The following CUX1 variants were observed in gnomAD, a reference collection of about 807,000 sequenced individuals.
CUX1 encodes the protein protein CASP.
In CUX1, 31 loss-of-function variants were observed where a neutral mutation model predicts 158.8. That is an observed-to-expected ratio of 0.20 (90% CI 0.15 to 0.26). CUX1 has a LOEUF of 0.26. Ranked by LOEUF, CUX1 falls within the 10% of genes least tolerant of loss-of-function variation. The pLI is 1.00. For missense variants in CUX1, 1,589 were observed against 2,014.6 expected (o/e 0.79, Z 4.04); for synonymous variants, 879 against 862.1 (o/e 1.02, Z -0.34).
intron 8 of CUX1, among the ~76,000 whole-genome samples, chr7:102,126,733 TC>T: frequency 1.3e-5 from 2 of 152,294 alleles, no homozygotes; most frequent in South Asian, 4.2e-4. Context: ...AGATAATTTT[TC>T]CATGGACCAG....
At chr7:101,882,098 C>T (rs899433035) in intron 1 of CUX1, among the ~76,000 whole-genome samples, 8 of 151,896 alleles carry the variant, frequency 5.3e-5, no homozygotes, top group South Asian at 2.1e-4. Flanking sequence ...GTGGGAGGAT[C>T]GCTTGAGGCT....
rs570182983 is a variant in CUX1, at chr7:102,017,070, G to A, written c.142-11028G>A. On this transcript the variant is annotated intron_variant, in intron 2 of 23. Coordinates refer to ENST00000292535, the MANE Select transcript of CUX1 (RefSeq NM_181552.4). ...TGTAATCCCATCACTTTGGGAGGCC[G>A]AGGTGGGTAGATCACCTGAGGTCAG... is the stretch of plus-strand genomic sequence containing the variant. 1.4e-4 allele frequency among the ~76,000 whole-genome samples: 22 copies of A among 152,250 alleles called. No individual in the cohort carries two copies. In the South Asian group the frequency reaches 4.1e-3, roughly 29 times the overall value.
downstream of CUX1, among the ~76,000 whole-genome samples, chr7:102,262,770 T>C (rs1355913185): frequency 9.2e-5 from 14 of 152,142 alleles, no homozygotes; most frequent in Admixed American, 3.9e-4. Flanking sequence ...GGTGCAACTT[T>C]CCAACTGAGG....
chr7:102,225,622 G>A (rs1798270361), intron 20 of CUX1, among the ~76,000 whole-genome samples: 1 of 152,182 alleles, frequency 6.6e-6, no homozygotes, highest in African/African-American at 2.4e-5. Context: ...CCAGCACTTT[G>A]GGAGGCCAAG....
At chr7:102,102,787 T>C (rs1829919786) in intron 5 of CUX1, among the ~76,000 whole-genome samples, 1 of 152,196 alleles carries the variant, frequency 6.6e-6, no homozygotes, top group African/African-American at 2.4e-5. Flanking sequence ...CTCCCCTCTC[T>C]TGGGGGCTGG....
intron 2 of CUX1, among the ~76,000 whole-genome samples, chr7:101,958,843 C>CT (rs1810092820): frequency 2.5e-5 from 3 of 121,066 alleles, no homozygotes; most frequent in East Asian, 6.3e-4. Context: ...GAGATGATGC[C>CT]CTTTTTTTTT....
At chr7:102,014,923 C>G (rs1422110885) in intron 2 of CUX1, among the ~76,000 whole-genome samples, 1 of 151,600 alleles carries the variant, frequency 6.6e-6, no homozygotes, top group African/African-American at 2.4e-5. Flanking sequence ...CTCTGTCTTT[C>G]TGGCTGCACA....
intron 3 of CUX1, among the ~76,000 whole-genome samples, chr7:102,069,854 C>T (rs1758683168): frequency 1.3e-5 from 2 of 152,358 alleles, no homozygotes; most frequent in South Asian, 4.1e-4. Flanking sequence ...CTTTTTAAGA[C>T]TCTGCTCTAA....
At chr7:101,933,435 C>G (rs1356216208) in intron 2 of CUX1, among the ~76,000 whole-genome samples, 1 of 152,106 alleles carries the variant, frequency 6.6e-6, no homozygotes, top group Non-Finnish European at 1.5e-5. Flanking sequence ...AGCTATTTAC[C>G]TTTTTCCTAG....
At position 101,916,289 on chromosome 7, in the gene CUX1, G is replaced by C. The variant is rs935586125; in HGVS notation, c.141+64G>C. 6 of 1,031,920 alleles carry C rather than the reference G, an allele frequency of 5.8e-6. No homozygotes were observed. Among genetic ancestry groups the C allele is most frequent in the Admixed American group, 5.2e-5 (3 of 58,248 alleles). 63.9% of individuals were successfully genotyped at this position (1,031,920 alleles called of 1,614,324 possible). A position where few individuals can be genotyped will look rare whatever the true frequency, so the allele number is the denominator to read the frequency against. ...TTAGAATGCTGGTGCATGTTCAGGC[G>C]ACGCTCCGTGAGCGTTTCATTTTCA... On this transcript the variant is annotated intron_variant, in intron 2 of 23. Transcript: ENST00000292535. The surrounding 1 kb of genome is among the most constrained non-coding windows in gnomAD (Gnocchi z 4.4).
chr7:102,205,328 G>A (rs541237940), intron 20 of CUX1, among the ~76,000 whole-genome samples, 158 bp downstream of exon 20: 7 of 151,482 alleles, frequency 4.6e-5, no homozygotes, highest in Admixed American at 1.3e-4. Flanking sequence ...GTCCCTCTCT[G>A]TGTCAGTTTC....
chr7:101,956,136 C>T (rs1165413461), intron 2 of CUX1, among the ~76,000 whole-genome samples: 1 of 46,312 alleles, frequency 2.2e-5, no homozygotes, highest in Non-Finnish European at 4.8e-5. Flanking sequence ...GAGCCCACGT[C>T]TCAAAAAAAA....
intron 2 of CUX1, among the ~76,000 whole-genome samples, chr7:101,980,805 G>A (rs1489721345): frequency 6.6e-6 from 1 of 152,044 alleles, no homozygotes; most frequent in African/African-American, 2.4e-5. Context: ...CCGCACGGAT[G>A]TACCTGGAAG....
At position 102,253,033 on chromosome 7, in the gene CUX1, G is replaced by A. The variant is rs1801685187; in HGVS notation, c.*3991G>A. ...AACCTGCTACTTTGTGCAAGTAATT[G>A]AGGCAAAAGATACCAGTCGACAGCC... On this transcript the variant is annotated 3_prime_UTR_variant, in exon 24 of 24. Coordinates refer to ENST00000292535, the MANE Select transcript of CUX1 (RefSeq NM_181552.4). 1.0e-6 allele frequency: 1 copy of A among 985,316 alleles called. No homozygotes were observed. The highest frequency in any genetic ancestry group is 1.7e-5 in the African/African-American group (1 of 57,232). The allele number at this position is 985,316 out of a possible 1,614,324, so 61.0% of individuals were successfully genotyped here.
At chr7:102,112,104 T>TAC in intron 7 of CUX1, 10 of 117,052 alleles carry the variant, frequency 8.5e-5, no homozygotes, top group Non-Finnish European at 6.9e-5. Context: ...GGAACAATAA[T>TAC]AGAAAAAAAA....
chr7:102,231,714 C>CTT (rs1262074153), intron 21 of CUX1, among the ~76,000 whole-genome samples: 21 of 138,820 alleles, frequency 1.5e-4, no homozygotes, highest in Admixed American at 2.2e-4. Flanking sequence ...AAAATTTTCT[C>CTT]TTTTTTTTTT....
At chr7:102,237,889 T>A (rs1383234311) in intron 22 of CUX1, among the ~76,000 whole-genome samples, 2 of 129,964 alleles carry the variant, frequency 1.5e-5, no homozygotes, top group Non-Finnish European at 3.3e-5. Context: ...GCCACGTGGG[T>A]CACATGTCCA....
At chr7:102,213,118 A>G (rs2132162851) in intron 20 of CUX1, among the ~76,000 whole-genome samples, 1 of 152,312 alleles carries the variant, frequency 6.6e-6, no homozygotes, top group Admixed American at 6.5e-5. Flanking sequence ...TGCTGGGGTT[A>G]CAGGTGTGCA....
chr7:101,978,780 G>A (rs573014207), intron 2 of CUX1, among the ~76,000 whole-genome samples: 7 of 152,290 alleles, frequency 4.6e-5, no homozygotes, highest in South Asian at 2.1e-4. Flanking sequence ...TGGCTCACCC[G>A]GAATTCCAGC....
Sources: allele counts gnomAD v4.1 joint callset (sites outside exome capture counted in the v4.1 genomes callset), GRCh38; gene constraint gnomAD v4.1.1; non-coding constraint Gnocchi (gnomAD v3.1); transcripts MANE v1.5; gene names NCBI Gene and HGNC (gene_info 2026-07-23, HGNC 2026-07-21).